PITRM1: variants seen among roughly 807,000 people sequenced by gnomAD.
The protein encoded by PITRM1 is pitrilysin metallopeptidase 1.
PITRM1 carries 100 observed loss-of-function variants against 129.9 expected under a neutral mutation model. That is an observed-to-expected ratio of 0.77 (90% confidence interval 0.65 to 0.91). The LOEUF is 0.91. Ranked by LOEUF, PITRM1 falls within the 40% of genes least tolerant of loss-of-function variation. The pLI is 0.00. For missense variants in PITRM1, 1,471 were observed against 1,318.3 expected (o/e 1.12, Z -1.79); for synonymous variants, 591 against 508.8 (o/e 1.16, Z -2.17).
Position 3,159,955 on chromosome 10 carries a change from T to A in PITRM1, c.919-19A>T, listed in dbSNP as rs759769564. Reference sequence around the variant, plus strand: ...ATTCCCTCTGTAAAATGACGTGACGTTGTGAGTAGGCACAGTGTCTGACGG... The same window carrying A: ...ATTCCCTCTGTAAAATGACGTGACGATGTGAGTAGGCACAGTGTCTGACGG... On this transcript the variant is annotated intron_variant, in intron 8 of 26. Coordinates refer to ENST00000224949, the MANE Select transcript of PITRM1 (RefSeq NM_014889.4). The A allele has an allele frequency of 3.8e-5, 59 of 1,532,668 alleles. No individual in the cohort carries two copies. The highest frequency in any genetic ancestry group is 5.1e-5 in the Non-Finnish European group (57 of 1,118,288). The allele number at this position is 1,532,668 out of a possible 1,614,324, so 94.9% of individuals were successfully genotyped here. A position where few individuals can be genotyped will look rare whatever the true frequency, so the allele number is the denominator to read the frequency against.
chr10:3,144,191 C>T (rs1840590666), intron 22 of PITRM1, 101 bp downstream of exon 22: 2 of 704,572 alleles, frequency 2.8e-6, no homozygotes, highest in African/African-American at 1.8e-5. Context: ...ACGCCAGCCC[C>T]ACAGACAGGC....
At chr10:3,151,144 C>G (rs1242697174) in intron 15 of PITRM1, 103 bp downstream of exon 15, 11 of 726,184 alleles carry the variant, frequency 1.5e-5, no homozygotes, top group Non-Finnish European at 2.5e-5. Flanking sequence ...TCAAGTGTTT[C>G]AGGGAAAACC....
rs1398396478 is a variant in PITRM1, at chr10:3,137,756, A to G, written c.*275T>C. 2.2e-6 allele frequency: 1 copy of G among 450,820 alleles called. No homozygotes were observed. Among genetic ancestry groups the G allele is most frequent in the African/African-American group, 2.0e-5 (1 of 50,030 alleles). The allele number at this position is 450,820 out of a possible 1,614,324, so 27.9% of individuals were successfully genotyped here. On this transcript the variant is annotated 3_prime_UTR_variant, in exon 27 of 27. Coordinates refer to ENST00000224949, the MANE Select transcript of PITRM1 (RefSeq NM_014889.4). Reference sequence around the variant, plus strand: ...AGTCAGAGTTGCCCTTTATTTTTAGATTCTTAAATATTCTAGAATGAGGTA... The same window carrying G: ...AGTCAGAGTTGCCCTTTATTTTTAGGTTCTTAAATATTCTAGAATGAGGTA...
chr10:3,142,819 G>A (rs1233973826), intron 23 of PITRM1, among the ~76,000 whole-genome samples: 2 of 152,160 alleles, frequency 1.3e-5, no homozygotes, highest in African/African-American at 4.8e-5. Context: ...CCTGCCATCT[G>A]CAGGGCTCTG....
chr10:3,139,079 G>T, intron 24 of PITRM1, 30 bp from the exon 25 acceptor site: 1 of 1,606,734 alleles, frequency 6.2e-7, no homozygotes. Flanking sequence ...AAACGGGCAA[G>T]CATTTTACCA....
At chr10:3,170,974 A>T (rs921784502) in intron 1 of PITRM1, among the ~76,000 whole-genome samples, 4 of 151,766 alleles carry the variant, frequency 2.6e-5, no homozygotes, top group Non-Finnish European at 5.9e-5. Flanking sequence ...AAAAAGAAAA[A>T]AATGCTGAAG....
At chr10:3,167,818 TTC>T (rs936846650) in intron 2 of PITRM1, 5 of 151,916 alleles carry the variant, frequency 3.3e-5, no homozygotes, top group African/African-American at 1.2e-4. Flanking sequence ...CAGCCTTTGC[TTC>T]TCTTAGTTTA....
intron 15 of PITRM1, among the ~76,000 whole-genome samples, chr10:3,150,390 A>C (rs183164580): frequency 6.6e-6 from 1 of 152,054 alleles, no homozygotes; most frequent in East Asian, 2.0e-4. Flanking sequence ...CTCGAGTTCC[A>C]CTCACATGCG....
In PITRM1 at chr10:3,149,751, C is replaced by T; in HGVS notation, c.1741G>A (p.Gly581Arg). ...GCGCAGTACTGAACAGGGATATCTC[C>T]AGCTAGAAAAACAAAAGGGATTTAA... ...VTELDVVLTA[G>R]DIPVQYCAQP... Residue 581 changes from glycine (G) to arginine (R), a missense_variant and splice_region_variant, in exon 16 of 27, where the codon GGA (glycine) becomes AGA (arginine). Gly to Arg is a moderately radical substitution (Grantham distance 125). Transcript: ENST00000224949. 1 of 1,613,620 alleles carries T rather than the reference C, an allele frequency of 6.2e-7. No individual in the cohort carries two copies. Among genetic ancestry groups the T allele is most frequent in the Admixed American group, 1.7e-5 (1 of 59,978 alleles).
intron 1 of PITRM1, 58 bp downstream of exon 1, chr10:3,172,659 C>G (rs889428386): frequency 1.3e-6 from 2 of 1,490,948 alleles, no homozygotes; most frequent in African/African-American, 2.8e-5. Flanking sequence ...CCGGCCTGCC[C>G]TGGACCCTCC....
chr10:3,148,043 G>T lies in PITRM1; in HGVS notation c.2013C>A (p.Leu671=), dbSNP rs1841089369. 2 of 1,613,780 alleles carry T rather than the reference G, an allele frequency of 1.2e-6. No homozygotes were observed. Among genetic ancestry groups the T allele is most frequent in the Admixed American group, 3.3e-5 (2 of 60,028 alleles). The change falls in exon 18 of 27, where the codon CTC becomes CTA. Residue 671 remains leucine, a synonymous_variant. Coordinates refer to ENST00000224949, the MANE Select transcript of PITRM1 (RefSeq NM_014889.4). Reference sequence around the variant, plus strand: ...TGTCTGGCAGGTTTCGATCCAGGCAGAGAGAGGAGAAAAGCACACCCTGAA... The same window carrying T: ...TGTCTGGCAGGTTTCGATCCAGGCATAGAGAGGAGAAAAGCACACCCTGAA... The part of the protein sequence containing the change: ...TYEQGVLFSS[L]CLDRNLPDMM...
In PITRM1 at chr10:3,166,949, T is replaced by G. The variant is rs1564436022; in HGVS notation, c.253A>C (p.Asn85His). The change falls in exon 3 of 27, where the codon AAT (asparagine) becomes CAT (histidine). Residue 85 changes from asparagine to histidine, a missense_variant. Coordinates refer to ENST00000224949, the MANE Select transcript of PITRM1 (RefSeq NM_014889.4). ...TGCACCACACACCTGAACAGATTAT[T>G]CGTGTCTTCTCTGGCCAGGTGTAAA... is the stretch of plus-strand genomic sequence containing the variant. ...RYLHLAREDT[N>H]NLFSVQFRTT... 3.1e-6 allele frequency: 5 copies of G among 1,596,930 alleles called. No individual in the cohort carries two copies. The highest frequency in any genetic ancestry group is 4.3e-6 in the Non-Finnish European group (5 of 1,165,826).
chr10:3,138,784 C>G (rs1839876205), intron 25 of PITRM1, 120 bp downstream of exon 25: 2 of 937,498 alleles, frequency 2.1e-6, no homozygotes, highest in Middle Eastern at 2.1e-4. Flanking sequence ...AATCGTATCA[C>G]AAGCAAGGAT....
At chr10:3,143,045 A>G (rs4881109) in intron 23 of PITRM1, 63,410 of 235,076 alleles carry the variant, frequency 0.27, 8,971 homozygotes, top group African/African-American at 0.31. Flanking sequence ...CATGTTTATC[A>G]GAAATCTCAG....
chr10:3,165,108 C>T, intron 6 of PITRM1, 130 bp downstream of exon 6: 1 of 742,950 alleles, frequency 1.3e-6, no homozygotes, highest in Admixed American at 3.1e-5. Flanking sequence ...ACAGCACTGA[C>T]CCCAGCTAAT....
At chr10:3,141,726 A>G (rs1448415873) in intron 23 of PITRM1, 1 of 463,454 alleles carries the variant, frequency 2.2e-6, no homozygotes, top group East Asian at 7.1e-5. Context: ...GCTTCCACAG[A>G]CAGGCCTTTT....
In PITRM1 at chr10:3,147,240, A is replaced by G; in HGVS notation, c.2246T>C (p.Met749Thr). 6.2e-7 allele frequency: 1 copy of G among 1,611,952 alleles called. No homozygotes were observed. Among genetic ancestry groups the G allele is most frequent in the Non-Finnish European group, 8.5e-7 (1 of 1,178,154 alleles). ...ATCTGTCATTTCTGCAATCCTCTTCATCAGCCGCACCTAAGCCAGAGGAAA... is the reference window on the plus strand; with the variant it reads ...ATCTGTCATTTCTGCAATCCTCTTCGTCAGCCGCACCTAAGCCAGAGGAAA... Reference protein sequence around the residue: ...TFSGMDQVRLMKRIAEMTDIK... With the variant: ...TFSGMDQVRLTKRIAEMTDIK... The change falls in exon 20 of 27, where the codon ATG becomes ACG. Residue 749 changes from methionine to threonine, a missense_variant. Transcript: ENST00000224949.
chr10:3,166,820 T>C (rs1842904120), intron 3 of PITRM1, 116 bp downstream of exon 3: 1 of 600,920 alleles, frequency 1.7e-6, no homozygotes, highest in Non-Finnish European at 2.9e-6. Context: ...GTGTATTTTA[T>C]GCGTGGCCTA....
chr10:3,161,871 A>G (rs1437613169), intron 7 of PITRM1, among the ~76,000 whole-genome samples: 2 of 151,712 alleles, frequency 1.3e-5, no homozygotes, highest in African/African-American at 4.8e-5. Context: ...AAAAAGAAGA[A>G]AAGAAAGAAC....
Sources: allele counts gnomAD v4.1 joint callset (sites outside exome capture counted in the v4.1 genomes callset), GRCh38; gene constraint gnomAD v4.1.1; transcripts MANE v1.5; gene names NCBI Gene and HGNC (gene_info 2026-07-23, HGNC 2026-07-21).